The following MYO6 variants were observed in gnomAD, a reference collection of about 807,000 sequenced individuals.
MYO6 encodes the protein unconventional myosin-VI.
A neutral mutation model predicts 178.7 loss-of-function variants in MYO6; 74 were observed. The observed-to-expected ratio is 0.41, with a 90% CI of 0.34 to 0.50. The LOEUF (loss-of-function observed/expected upper bound fraction) is 0.50. Ranked by LOEUF, MYO6 falls within the 20% of genes least tolerant of loss-of-function variation. The pLI, the probability that MYO6 is intolerant of heterozygous loss-of-function variation, is 0.09. For missense variants in MYO6, 1,330 were observed against 1,547.4 expected (o/e 0.86, Z 2.36); for synonymous variants, 477 against 504.6 (o/e 0.95, Z 0.73).
At chr6:75,860,996 C>T in intron 14 of MYO6, 27 bp from the exon 15 acceptor site, 1 of 1,473,670 alleles carries the variant, frequency 6.8e-7, no homozygotes, top group Non-Finnish European at 9.5e-7. Flanking sequence ...ATTGCTGTAT[C>T]TATGATTATG....
At chr6:75,776,152 T>A (rs1249902244) in intron 1 of MYO6, among the ~76,000 whole-genome samples, 2 of 152,232 alleles carry the variant, frequency 1.3e-5, no homozygotes, top group African/African-American at 4.8e-5. Flanking sequence ...TTTATTCTTG[T>A]GTCTTCAGGG....
chr6:75,773,903 A>C (rs1462206693), intron 1 of MYO6, among the ~76,000 whole-genome samples: 1 of 152,242 alleles, frequency 6.6e-6, no homozygotes, highest in Non-Finnish European at 1.5e-5. Context: ...GTGAATAAGA[A>C]TCTTTGATAT....
chr6:75,861,165 G>A (rs887085018), intron 15 of MYO6, 70 bp downstream of exon 15: 2 of 1,233,428 alleles, frequency 1.6e-6, no homozygotes, highest in African/African-American at 1.5e-5. Flanking sequence ...TGCTTTTTCT[G>A]TGCTTTTTAA....
chr6:75,785,762 G>A (rs1161229133), intron 1 of MYO6, among the ~76,000 whole-genome samples: 1 of 151,514 alleles, frequency 6.6e-6, no homozygotes, highest in Admixed American at 6.6e-5. Flanking sequence ...TGTATATGAT[G>A]TGCAGTAGGA....
chr6:75,856,868 G>A (rs1775762764), intron 12 of MYO6, among the ~76,000 whole-genome samples: 1 of 152,030 alleles, frequency 6.6e-6, no homozygotes, highest in Non-Finnish European at 1.5e-5. Context: ...GATTTTTTAA[G>A]CCTAATTTTT....
intron 23 of MYO6, among the ~76,000 whole-genome samples, chr6:75,885,011 G>C (rs1025114287): frequency 1.3e-5 from 2 of 152,098 alleles, no homozygotes; most frequent in Admixed American, 6.6e-5. Flanking sequence ...TTTGGGAAAG[G>C]GTTATTATCA....
chr6:75,804,027 G>T (rs981640052), intron 1 of MYO6, among the ~76,000 whole-genome samples: 1 of 152,200 alleles, frequency 6.6e-6, no homozygotes, highest in African/African-American at 2.4e-5. Context: ...TTAAGTAGCT[G>T]TGACTGCAGG....
chr6:75,764,471 A>G (rs531512408), intron 1 of MYO6, among the ~76,000 whole-genome samples: 5 of 152,194 alleles, frequency 3.3e-5, no homozygotes, highest in African/African-American at 9.6e-5. Context: ...CAAATTTACT[A>G]TTTGGAATTA....
chr6:75,891,908 C>T (rs1297416159), intron 27 of MYO6, among the ~76,000 whole-genome samples: 1 of 152,110 alleles, frequency 6.6e-6, no homozygotes, highest in African/African-American at 2.4e-5. Context: ...TAGTTGCAAG[C>T]ATTTGACAGT....
intron 1 of MYO6, among the ~76,000 whole-genome samples, chr6:75,750,356 A>C (rs565819168): frequency 9.3e-4 from 142 of 152,012 alleles, no homozygotes; most frequent in African/African-American, 3.3e-3. Context: ...CGGTCTCCCA[A>C]AGTGCTGGGA....
intron 13 of MYO6, 27 bp from the exon 14 acceptor site, chr6:75,858,874 AC>A (rs1775953072): frequency 2.3e-6 from 3 of 1,330,654 alleles, no homozygotes; most frequent in Non-Finnish European, 3.2e-6. Context: ...TCTCATAATG[AC>A]TCTTGGTTCT....
intron 34 of MYO6, 129 bp downstream of exon 34, chr6:75,914,410 A>G: frequency 1.0e-6 from 1 of 954,880 alleles, no homozygotes; most frequent in Non-Finnish European, 1.6e-6. Context: ...TCTTGCGGTT[A>G]AATCACATTT....
rs192671364 is a variant in MYO6 at position 75,874,457 on chromosome 6, G to A, written c.2077+1157G>A. On this transcript the variant is annotated intron_variant, in intron 20 of 34. Transcript: ENST00000369977. ...CATCCTGCTTTCCTCAAATCTCTGC[G>A]CCTCTGCTGTCAGATGGGCTTACCT... is the stretch of plus-strand genomic sequence containing the variant. Among the ~76,000 whole-genome samples, 389 of 152,248 alleles carry A rather than the reference G, an allele frequency of 2.6e-3. 2 individuals carry two copies. The highest frequency in any genetic ancestry group is 8.8e-3 in the African/African-American group (364 of 41,538).
At chr6:75,839,660 T>C (rs560378957) in intron 7 of MYO6, among the ~76,000 whole-genome samples, 46 of 152,292 alleles carry the variant, frequency 3.0e-4, no homozygotes, top group Admixed American at 5.9e-4. Flanking sequence ...GTAACTCTTA[T>C]CCAGTCATGA....
At chr6:75,894,273 G>A (rs202070178) in intron 28 of MYO6, among the ~76,000 whole-genome samples, 2 of 152,126 alleles carry the variant, frequency 1.3e-5, no homozygotes, top group East Asian at 1.9e-4. Context: ...GATCGTTTAG[G>A]ACCTTTAACA....
chr6:75,820,717 ACT>A (rs1771783282), intron 2 of MYO6, among the ~76,000 whole-genome samples: 1 of 151,704 alleles, frequency 6.6e-6, no homozygotes, highest in Admixed American at 6.6e-5. Context: ...TTCTTTTAAG[ACT>A]CTGATTGAGG....
At chr6:75,898,720 C>T (rs1370333327) in intron 30 of MYO6, among the ~76,000 whole-genome samples, 1 of 152,112 alleles carries the variant, frequency 6.6e-6, no homozygotes, top group Non-Finnish European at 1.5e-5. Flanking sequence ...GGACTTCTTC[C>T]CCTCATCATG....
chr6:75,796,132 CT>C (rs35164881), intron 1 of MYO6, among the ~76,000 whole-genome samples: 1 of 152,234 alleles, frequency 6.6e-6, no homozygotes, highest in South Asian at 2.1e-4. Context: ...GCTTTTGGTG[CT>C]TTTTTCCCAC....
At chr6:75,801,920 G>A (rs1769501085) in intron 1 of MYO6, among the ~76,000 whole-genome samples, 4 of 150,062 alleles carry the variant, frequency 2.7e-5, no homozygotes, top group South Asian at 4.2e-4. Flanking sequence ...CAGCCTGGGC[G>A]ACAGAGCAAG....
Sources: gnomAD v4.1 joint callset for allele counts (sites outside exome capture counted in the v4.1 genomes callset) on GRCh38, gnomAD v4.1.1 for gene constraint, MANE v1.5 for transcripts, NCBI Gene and HGNC (gene_info 2026-07-23, HGNC 2026-07-21) for gene names.